The following COMMD1 variants were observed in gnomAD, a reference collection of about 807,000 sequenced individuals.
The protein encoded by COMMD1 is copper metabolism domain containing 1, also known as COMM domain-containing protein 1.
In COMMD1, 10 loss-of-function variants were observed where a neutral mutation model predicts 17.2. That is an observed-to-expected ratio of 0.58 (90% CI 0.36 to 0.99). The LOEUF is 0.99. COMMD1 is among the 50% of genes least tolerant of loss of function. The probability of loss-of-function intolerance (pLI) is 0.01; values close to 1 mark genes in which losing one functional copy is unlikely to be tolerated. For synonymous variants in COMMD1, 97 were observed against 91.6 expected, an observed-to-expected ratio of 1.06 and a Z score of -0.34; for missense variants, 270 against 231.8, an observed-to-expected ratio of 1.17 and a Z score of -1.07.
At chr2:62,012,991 G>T (rs965643703) in intron 2 of COMMD1, among the ~76,000 whole-genome samples, 4 of 152,090 alleles carry the variant, frequency 2.6e-5, no homozygotes, top group African/African-American at 9.7e-5. Context: ...AGCAACCAAG[G>T]CAAGAAATTA....
intron 2 of COMMD1, among the ~76,000 whole-genome samples, chr2:62,031,484 T>C (rs1229300885): frequency 6.6e-6 from 1 of 152,222 alleles, no homozygotes; most frequent in Non-Finnish European, 1.5e-5. Context: ...GGTAGGATAC[T>C]GACTAAAAAT....
chr2:62,021,052 CA>C (rs1348223358), intron 2 of COMMD1, among the ~76,000 whole-genome samples: 1 of 151,758 alleles, frequency 6.6e-6, no homozygotes, highest in African/African-American at 2.4e-5. Flanking sequence ...CTGTAAGTCA[CA>C]CCTTTAAAAT....
intron 2 of COMMD1, among the ~76,000 whole-genome samples, chr2:62,127,849 C>G (rs576827205): frequency 6.6e-6 from 1 of 151,692 alleles, no homozygotes; most frequent in African/African-American, 2.4e-5. Context: ...CATGGTGAAA[C>G]CCCATCACTA....
At chr2:62,078,618 G>A (rs1279813482) in intron 2 of COMMD1, among the ~76,000 whole-genome samples, 1 of 135,244 alleles carries the variant, frequency 7.4e-6, no homozygotes, top group South Asian at 2.3e-4. Flanking sequence ...CTTGTAATCC[G>A]AGCACTTTGG....
intron 2 of COMMD1, among the ~76,000 whole-genome samples, chr2:62,094,810 G>A (rs1182633630): frequency 6.6e-6 from 1 of 152,210 alleles, no homozygotes; most frequent in Non-Finnish European, 1.5e-5. Flanking sequence ...TTATTTGGCT[G>A]TAGTCTCAAT....
At chr2:62,031,343 C>CA (rs1211261739) in intron 2 of COMMD1, among the ~76,000 whole-genome samples, 2 of 152,168 alleles carry the variant, frequency 1.3e-5, no homozygotes, top group East Asian at 3.8e-4. Context: ...CTTAGGAATT[C>CA]AAATGCATTC....
chr2:61,969,199 C>T (rs1262150246), intron 1 of COMMD1: 1 of 171,476 alleles, frequency 5.8e-6, no homozygotes, highest in East Asian at 1.5e-4. Context: ...TACTTATTTA[C>T]CTAAACTCTT....
chr2:62,016,527 C>G (rs199813732), intron 2 of COMMD1, among the ~76,000 whole-genome samples: 1 of 147,390 alleles, frequency 6.8e-6, no homozygotes, highest in Non-Finnish European at 1.5e-5. Flanking sequence ...TTTTTTTTTC[C>G]TACACCAAAC....
intron 2 of COMMD1, among the ~76,000 whole-genome samples, chr2:62,081,639 T>C (rs1008803505): frequency 6.6e-6 from 1 of 152,220 alleles, no homozygotes; most frequent in Non-Finnish European, 1.5e-5. Context: ...TTGTCATGTC[T>C]ACTAGCTATC....
At chr2:61,896,542 A>G (rs1447588407) in intron 1 of COMMD1, among the ~76,000 whole-genome samples, 1 of 152,144 alleles carries the variant, frequency 6.6e-6, no homozygotes, top group African/African-American at 2.4e-5. Flanking sequence ...GGATCACACC[A>G]CTGCACTGGG....
intron 1 of COMMD1, chr2:61,918,516 T>C (rs1435849634): frequency 6.6e-6 from 1 of 152,226 alleles, no homozygotes; most frequent in East Asian, 1.9e-4. Flanking sequence ...TCTTTTTTCT[T>C]AGTTTAGGGC....
At chr2:62,032,752 T>G (rs959077728) in intron 2 of COMMD1, among the ~76,000 whole-genome samples, 1 of 152,084 alleles carries the variant, frequency 6.6e-6, no homozygotes, top group African/African-American at 2.4e-5. Context: ...TTTCTCTCTT[T>G]CACTCCTTCC....
At chr2:62,080,593 G>A (rs1388998056) in intron 2 of COMMD1, among the ~76,000 whole-genome samples, 1 of 152,048 alleles carries the variant, frequency 6.6e-6, no homozygotes, top group Non-Finnish European at 1.5e-5. Context: ...GAACTCTCAA[G>A]TAAATTTTAT....
chr2:61,972,872 A>G (rs1424649861), intron 1 of COMMD1, among the ~76,000 whole-genome samples: 2 of 152,012 alleles, frequency 1.3e-5, no homozygotes, highest in Non-Finnish European at 1.5e-5. Flanking sequence ...GGTTTCAGCA[A>G]GTTGGCCAGG....
rs569679603 is a variant in COMMD1, at chr2:62,049,522, C to T, written c.462+48540C>T. Among the ~76,000 whole-genome samples the T allele has an allele frequency of 1.4e-4, 22 of 152,228 alleles. No individual in the cohort carries two copies. The South Asian group carries it at 3.3e-3, about 23-fold the overall frequency. ...ATAGAGGACAGGGATGCTGCTAAAC[C>T]TCCCCTAATGCACAGGACAGCCCCA... On this transcript the variant is annotated intron_variant, in intron 2 of 2. Transcript: ENST00000311832.
At chr2:61,932,928 G>A (rs1670506295) in intron 1 of COMMD1, among the ~76,000 whole-genome samples, 1 of 152,146 alleles carries the variant, frequency 6.6e-6, no homozygotes, top group Non-Finnish European at 1.5e-5. Flanking sequence ...CTCAGTGGAG[G>A]GTCAGAGTGG....
chr2:62,011,993 A>G (rs981673233), intron 2 of COMMD1, among the ~76,000 whole-genome samples: 1 of 152,110 alleles, frequency 6.6e-6, no homozygotes, highest in Non-Finnish European at 1.5e-5. Context: ...CGTGCCTGTA[A>G]TCCTGGCACT....
chr2:62,097,991 T>C (rs1672058582), intron 2 of COMMD1, among the ~76,000 whole-genome samples: 1 of 152,146 alleles, frequency 6.6e-6, no homozygotes, highest in African/African-American at 2.4e-5. Context: ...TTAAGTTTTT[T>C]GCATTCTTTT....
chr2:62,115,089 G>A (rs1315947919), intron 2 of COMMD1, among the ~76,000 whole-genome samples: 1 of 152,194 alleles, frequency 6.6e-6, no homozygotes, highest in African/African-American at 2.4e-5. Context: ...CTGTGAAGTT[G>A]CTTTAAATGC....
Sources: allele counts gnomAD v4.1 joint callset (sites outside exome capture counted in the v4.1 genomes callset), GRCh38; gene constraint gnomAD v4.1.1; transcripts MANE v1.5; gene names NCBI Gene and HGNC (gene_info 2026-07-23, HGNC 2026-07-21).